Variants in NAV2 observed in about 807,000 individuals in gnomAD.
NAV2 encodes the protein neuron navigator 2.
In NAV2, 54 loss-of-function variants were observed where a neutral mutation model predicts 223.2. That is an observed-to-expected ratio of 0.24 (90% CI 0.19 to 0.30). NAV2 has a LOEUF of 0.30. NAV2 is among the 10% of genes least tolerant of loss of function. The probability of loss-of-function intolerance (pLI) is 1.00; values close to 1 mark genes in which losing one functional copy is unlikely to be tolerated. For synonymous variants in NAV2, 1,279 were observed against 1,239.3 expected (o/e 1.03, Z -0.67); for missense variants, 2,806 against 3,147.5 (o/e 0.89, Z 2.60).
At chr11:19,626,390 T>A (rs1218314676) in intron 1 of NAV2, among the ~76,000 whole-genome samples, 4 of 152,228 alleles carry the variant, frequency 2.6e-5, no homozygotes, top group Non-Finnish European at 5.9e-5. Flanking sequence ...GACCTATATG[T>A]CTGTATTTAT....
chr11:20,016,349 A>C (rs2054002134), intron 11 of NAV2, among the ~76,000 whole-genome samples: 1 of 152,202 alleles, frequency 6.6e-6, no homozygotes, highest in South Asian at 2.1e-4. Context: ...AGCTGGTTTC[A>C]GATTTAGAAT....
At chr11:19,539,627 TA>T (rs1324676485) in intron 1 of NAV2, among the ~76,000 whole-genome samples, 45 of 152,274 alleles carry the variant, frequency 3.0e-4, no homozygotes, top group African/African-American at 1.0e-3. Context: ...TTCTTTTTCT[TA>T]GGGGATGGGA....
chr11:19,685,642 G>A (rs899475263), intron 1 of NAV2, among the ~76,000 whole-genome samples: 12 of 152,186 alleles, frequency 7.9e-5, no homozygotes, highest in South Asian at 2.1e-4. Flanking sequence ...TGAAACAGCC[G>A]TATGATGATT....
chr11:19,995,264 G>A (rs556561769), intron 11 of NAV2, among the ~76,000 whole-genome samples: 1 of 152,302 alleles, frequency 6.6e-6, no homozygotes, highest in Non-Finnish European at 1.5e-5. Flanking sequence ...TGACTCATGG[G>A]TATAGCTTAT....
intron 1 of NAV2, among the ~76,000 whole-genome samples, chr11:19,383,307 C>T (rs1323693231): frequency 6.6e-6 from 1 of 152,136 alleles, no homozygotes; most frequent in Non-Finnish European, 1.5e-5. Context: ...CCTCATGATA[C>T]CAGAGGACTT....
chr11:19,480,352 G>A (rs1375228054), intron 1 of NAV2, among the ~76,000 whole-genome samples: 2 of 152,114 alleles, frequency 1.3e-5, no homozygotes, highest in African/African-American at 4.8e-5. Context: ...CAGGCTTAGA[G>A]AGGAAAAGTG....
intron 10 of NAV2, among the ~76,000 whole-genome samples, chr11:19,970,817 T>G (rs2049176155): frequency 6.6e-6 from 1 of 152,216 alleles, no homozygotes; most frequent in Non-Finnish European, 1.5e-5. Context: ...TCACTCCAAT[T>G]CTCTGAGTCT....
chr11:19,777,788 CGAA>C, intron 1 of NAV2: 2 of 443,634 alleles, frequency 4.5e-6, no homozygotes, highest in Non-Finnish European at 9.2e-6. Context: ...CTTCCACCTA[CGAA>C]TTCCTGGAGC....
chr11:20,062,443 T>C, intron 20 of NAV2, 84 bp downstream of exon 20: 1 of 1,050,416 alleles, frequency 9.5e-7, no homozygotes, highest in Non-Finnish European at 1.4e-6. Flanking sequence ...AATATATGCA[T>C]TTATCCTAGG....
At chr11:19,485,717 A>G (rs1433181037) in intron 1 of NAV2, among the ~76,000 whole-genome samples, 1 of 141,478 alleles carries the variant, frequency 7.1e-6, no homozygotes, top group Non-Finnish European at 1.6e-5. Context: ...ATATGGGAGG[A>G]TCTATTAAGG....
chr11:20,062,452 G>C (rs1443336803), intron 20 of NAV2, 93 bp downstream of exon 20: 14 of 957,704 alleles, frequency 1.5e-5, no homozygotes, highest in Non-Finnish European at 2.2e-5. Context: ...ATTTATCCTA[G>C]GGAAAGCATT....
intron 11 of NAV2, among the ~76,000 whole-genome samples, chr11:20,032,357 T>C (rs1446210699): frequency 6.6e-6 from 1 of 152,212 alleles, no homozygotes; most frequent in African/African-American, 2.4e-5. Flanking sequence ...GGCACTGATA[T>C]GGGAAGAATC....
chr11:19,522,722 A>G (rs1253648909), intron 1 of NAV2, among the ~76,000 whole-genome samples: 1 of 152,188 alleles, frequency 6.6e-6, no homozygotes, highest in Non-Finnish European at 1.5e-5. Context: ...AAAAATCATG[A>G]CACTTCTGAA....
At chr11:19,810,797 G>A (rs2058799197) in intron 1 of NAV2, among the ~76,000 whole-genome samples, 2 of 152,174 alleles carry the variant, frequency 1.3e-5, no homozygotes, top group Admixed American at 1.3e-4. Context: ...TTTGGCATCT[G>A]TATTTTAATA....
chr11:19,384,959 TC>T (rs1848979748), intron 1 of NAV2: 1 of 152,034 alleles, frequency 6.6e-6, no homozygotes, highest in South Asian at 2.1e-4. Context: ...AGGTTTCACA[TC>T]CAGAATATAT....
chr11:19,924,233 A>G (rs1321569935), intron 6 of NAV2, among the ~76,000 whole-genome samples: 1 of 152,032 alleles, frequency 6.6e-6, no homozygotes, highest in Non-Finnish European at 1.5e-5. Context: ...ATTTAAGAAC[A>G]TACCTTGTAA....
At chr11:19,714,331 GTGTC>G (rs1289875399) in intron 1 of NAV2, 1 of 503,148 alleles carries the variant, frequency 2.0e-6, no homozygotes, top group Non-Finnish European at 3.9e-6. Flanking sequence ...CAGCAGCTGT[GTGTC>G]TGTCTGGCGG....
At chr11:19,643,229 T>C (rs1371340576) in intron 1 of NAV2, among the ~76,000 whole-genome samples, 2 of 152,176 alleles carry the variant, frequency 1.3e-5, no homozygotes, top group African/African-American at 2.4e-5. Flanking sequence ...GTTTGTTACA[T>C]ATGTATACAT....
intron 18 of NAV2, among the ~76,000 whole-genome samples, chr11:20,055,338 T>C (rs1394946897): frequency 6.6e-6 from 1 of 152,228 alleles, no homozygotes; most frequent in Non-Finnish European, 1.5e-5. Flanking sequence ...CAATGGGATC[T>C]GTGTTCATAC....
Sources: allele counts gnomAD v4.1 joint callset (sites outside exome capture counted in the v4.1 genomes callset), GRCh38; gene constraint gnomAD v4.1.1; transcripts MANE v1.5; gene names NCBI Gene and HGNC (gene_info 2026-07-23, HGNC 2026-07-21).